Variants in ANKLE2 observed in about 807,000 individuals in gnomAD.
ANKLE2 encodes ankyrin repeat and LEM domain-containing protein 2.
ANKLE2 carries 55 observed loss-of-function variants against 84.2 expected under a neutral mutation model. The ratio of observed to expected loss-of-function variants is 0.65; its 90% CI spans 0.53 to 0.82. ANKLE2 has a LOEUF of 0.82. Ranked by LOEUF, ANKLE2 falls within the 40% of genes least tolerant of loss-of-function variation. ANKLE2 has a pLI of 0.00. For missense variants in ANKLE2, 1,238 were observed against 1,201.9 expected (o/e 1.03, Z -0.44); for synonymous variants, 551 against 486.1 (o/e 1.13, Z -1.76).
intron 3 of ANKLE2, chr12:132,748,908 CTA>C (rs1406977408): frequency 6.7e-6 from 1 of 149,138 alleles, no homozygotes; most frequent in African/African-American, 2.4e-5. Flanking sequence ...GAGATGAGGT[CTA>C]TGTTGCCCAG....
intron 6 of ANKLE2, 184 bp from the exon 7 acceptor site, chr12:132,741,669 CA>C (rs2044125901): frequency 1.5e-6 from 1 of 674,250 alleles, no homozygotes; most frequent in Non-Finnish European, 2.6e-6. Context: ...TCTAAGGAGA[CA>C]GCTAGGAGAA....
intron 1 of ANKLE2, chr12:132,760,764 AG>A (rs2044608713): frequency 6.6e-6 from 1 of 152,202 alleles, no homozygotes; most frequent in African/African-American, 2.4e-5. Flanking sequence ...GGGTTTTTAC[AG>A]GAACTTCATT....
At chr12:132,733,334 C>G (rs1423191481) in intron 10 of ANKLE2, among the ~76,000 whole-genome samples, 20 of 133,090 alleles carry the variant, frequency 1.5e-4, no homozygotes, top group Middle Eastern at 5.1e-3. Context: ...CTCTCTGCGT[C>G]CTGGTGTCTG....
rs894912632 is a variant in ANKLE2 at position 132,739,932 on chromosome 12, T to A, written c.1420+1487A>T. On this transcript the variant is annotated intron_variant, in intron 7 of 12. Transcript: ENST00000357997. ...GAACATGGATCTCACAGAGCTGCCTTCTCCTCAGCAAACAGCTGCTGGGGC... is the reference window on the plus strand; with the variant it reads ...GAACATGGATCTCACAGAGCTGCCTACTCCTCAGCAAACAGCTGCTGGGGC... Among the ~76,000 whole-genome samples, 11 of 152,292 alleles carry A rather than the reference T, an allele frequency of 7.2e-5. No individual in the cohort carries two copies. In the South Asian group the frequency reaches 2.1e-3, roughly 29 times the overall value.
At chr12:132,732,939 T>A (rs551334062) in intron 10 of ANKLE2, among the ~76,000 whole-genome samples, 7 of 142,448 alleles carry the variant, frequency 4.9e-5, no homozygotes, top group African/African-American at 1.7e-4. Flanking sequence ...ATATGCACCG[T>A]GTGAAGCTCT....
At chr12:132,727,724 C>T (rs1309190615) in intron 12 of ANKLE2, among the ~76,000 whole-genome samples, 3 of 151,894 alleles carry the variant, frequency 2.0e-5, no homozygotes, top group African/African-American at 4.9e-5. Flanking sequence ...TGAACCCTGG[C>T]ACCGCGGGCA....
At chr12:132,750,887 G>C (rs2044341004) in intron 2 of ANKLE2, 38 bp from the exon 3 acceptor site, 1 of 1,582,296 alleles carries the variant, frequency 6.3e-7, no homozygotes, top group Non-Finnish European at 8.7e-7. Context: ...TCAGAGAAGA[G>C]TGACTGGAGA....
intron 1 of ANKLE2, 65 bp from the exon 2 acceptor site, chr12:132,755,198 G>A: frequency 2.9e-6 from 4 of 1,381,226 alleles, no homozygotes; most frequent in Non-Finnish European, 3.9e-6. Context: ...CTGGGTGATG[G>A]GTACTAGGGT....
At chr12:132,752,880 G>A (rs138332696) in intron 2 of ANKLE2, among the ~76,000 whole-genome samples, 97 of 152,090 alleles carry the variant, frequency 6.4e-4, no homozygotes, top group African/African-American at 2.2e-3. Context: ...TTCTTGGGCT[G>A]GGCACAGTGG....
At chr12:132,742,026 G>A (rs937985516) in intron 6 of ANKLE2, 8 of 336,822 alleles carry the variant, frequency 2.4e-5, no homozygotes, top group Non-Finnish European at 4.0e-5. Context: ...TAAAAGGAAA[G>A]AAAGGAACCA....
chr12:132,727,543 C>G, intron 12 of ANKLE2, 100 bp from the exon 13 acceptor site: 1 of 1,349,656 alleles, frequency 7.4e-7, no homozygotes, highest in Non-Finnish European at 1.0e-6. Flanking sequence ...CACATGCGCC[C>G]GGGCGGAGGA....
At chr12:132,746,348 C>CAAAAA (rs566130639) in intron 5 of ANKLE2, among the ~76,000 whole-genome samples, 9 of 66,522 alleles carry the variant, frequency 1.4e-4, no homozygotes, top group Non-Finnish European at 1.8e-4. Flanking sequence ...GACTCTGTCT[C>CAAAAA]AAAAAAAAAA....
chr12:132,737,273 A>C, intron 7 of ANKLE2: 1 of 487,134 alleles, frequency 2.1e-6, no homozygotes, highest in South Asian at 3.8e-5. Flanking sequence ...CTCAGAGCTC[A>C]CTTCACTTAA....
chr12:132,732,992 G>A (rs535013881), intron 10 of ANKLE2, among the ~76,000 whole-genome samples: 10 of 136,424 alleles, frequency 7.3e-5, no homozygotes, highest in Non-Finnish European at 1.2e-4. Flanking sequence ...AGCGCTCTGC[G>A]TCCTGGTGTC....
Position 132,754,772 on chromosome 12 carries a change from A to G in ANKLE2, c.543T>C (p.Ser181=), listed in dbSNP as rs1051459967. The change falls in exon 2 of 13, where the codon AGT becomes AGC. Residue 181 remains serine, a synonymous_variant. Coordinates refer to ENST00000357997, the MANE Select transcript of ANKLE2 (RefSeq NM_015114.3). The part of the protein sequence containing the change: ...VTSKTCSVPP[S]DTDTYRAGAT... The stretch of plus-strand genomic sequence containing the variant: ...CTCCAGCTCTGTAGGTGTCGGTGTC[A>G]CTAGGGGGCACCGAGCAGGTCTTGG... 21 of 1,614,004 alleles carry G rather than the reference A, an allele frequency of 1.3e-5. No homozygotes were observed. The highest frequency in any genetic ancestry group is 1.8e-5 in the Non-Finnish European group (21 of 1,180,034).
Position 132,750,749 on chromosome 12 carries a change from C to T in ANKLE2, c.741G>A (p.Glu247=). Residue 247 remains glutamate, a synonymous_variant, in exon 3 of 13, where the codon GAG becomes GAA. Coordinates refer to ENST00000357997, the MANE Select transcript of ANKLE2 (RefSeq NM_015114.3). ...AATCACAAATTCCTCTAGCAAATTTCTCAGCGTCTTCTCTGGTAGAAAAAG... is the reference window on the plus strand; with the variant it reads ...AATCACAAATTCCTCTAGCAAATTTTTCAGCGTCTTCTCTGGTAGAAAAAG... ...FKAFSTREDA[E]KFARGICDYF... 1 of 1,614,250 alleles carries T rather than the reference C, an allele frequency of 6.2e-7. No homozygotes were observed. The highest frequency in any genetic ancestry group is 8.5e-7 in the Non-Finnish European group (1 of 1,180,054).
rs200573141 is a variant in ANKLE2 at position 132,750,846 on chromosome 12, C to G, written c.644G>C (p.Arg215Thr). 1.2e-6 allele frequency: 2 copies of G among 1,613,416 alleles called. No homozygotes were observed. The highest frequency in any genetic ancestry group is 1.7e-6 in the Non-Finnish European group (2 of 1,179,674). ...CTTTTTATTTTCATAAACATAGATCCTTTCTGGGTAAGAAAAGTAACAAAT... is the reference window on the plus strand; with the variant it reads ...CTTTTTATTTTCATAAACATAGATCGTTTCTGGGTAAGAAAAGTAACAAAT... ...VYEDVPARNE[R>T]IYVYENKKEA... Residue 215 changes from arginine (R) to threonine (T), a missense_variant, in exon 3 of 13, where the codon AGG becomes ACG. Transcript: ENST00000357997.
chr12:132,726,934 C>G lies in ANKLE2; in HGVS notation c.*308G>C, dbSNP rs1352849810. The G allele has an allele frequency of 1.1e-5, 4 of 368,004 alleles. No individual in the cohort carries two copies. Among genetic ancestry groups the G allele is most frequent in the Non-Finnish European group, 2.0e-5 (4 of 202,890 alleles). 22.8% of individuals were successfully genotyped at this position (368,004 alleles called of 1,614,324 possible). A position where few individuals can be genotyped will look rare whatever the true frequency, so the allele number is the denominator to read the frequency against. Reference sequence around the variant, plus strand: ...TAAGTACAGGGCTGCCTGCCTGCAACTGCCTCAGCGCCCTTTCCTCTGCTA... The same window carrying G: ...TAAGTACAGGGCTGCCTGCCTGCAAGTGCCTCAGCGCCCTTTCCTCTGCTA... On this transcript the variant is annotated 3_prime_UTR_variant, in exon 13 of 13. Coordinates refer to ENST00000357997, the MANE Select transcript of ANKLE2 (RefSeq NM_015114.3).
At position 132,729,680 on chromosome 12, in the gene ANKLE2, C is replaced by T; in HGVS notation, c.2482G>A (p.Gly828Arg). ...GTGCAGAGGGCAACACACTCCTACC[C>T]AAAAAGGAAGAGCCGCCTGGCCGGT... ...REPARRLFLF[G>R]EEPSKLDQDV... Residue 828 changes from glycine (G) to arginine (R), a missense_variant and splice_region_variant, in exon 11 of 13, where the codon GGA becomes AGA. By Grantham distance (125) the Gly-to-Arg change is moderately radical (BLOSUM62 -2). This residue lies in a region of ANKLE2 where 802 missense variants were observed against 774.5 expected (regional missense o/e 1.04). Coordinates refer to ENST00000357997, the MANE Select transcript of ANKLE2 (RefSeq NM_015114.3). The T allele has an allele frequency of 1.3e-6, 2 of 1,596,314 alleles. No homozygotes were observed. The highest frequency in any genetic ancestry group is 1.7e-6 in the Non-Finnish European group (2 of 1,173,802).
Sources: allele counts gnomAD v4.1 joint callset (sites outside exome capture counted in the v4.1 genomes callset), GRCh38; gene constraint gnomAD v4.1.1; regional missense constraint gnomAD v4.1.1; transcripts MANE v1.5; gene names NCBI Gene and HGNC (gene_info 2026-07-23, HGNC 2026-07-21).